The following PDE10A variants were observed in gnomAD, a reference collection of about 807,000 sequenced individuals.
PDE10A encodes the protein cAMP and cAMP-inhibited cGMP 3',5'-cyclic phosphodiesterase 10A.
PDE10A carries 39 observed loss-of-function variants against 97.7 expected under a neutral mutation model. That is an observed-to-expected ratio of 0.40 (90% CI 0.31 to 0.52). PDE10A has a LOEUF of 0.52. Ranked by LOEUF, PDE10A falls within the 20% of genes least tolerant of loss-of-function variation. PDE10A has a pLI of 0.56. For synonymous variants in PDE10A, 371 were observed against 376.8 expected (o/e 0.98, Z 0.18); for missense variants, 731 against 1,047.8 (o/e 0.70, Z 4.17).
Position 165,942,036 on chromosome 6 carries a change from C to A in PDE10A, c.-615+45493G>T, listed in dbSNP as rs148626232. Reference sequence around the variant, plus strand: ...ATAGCCATCCTCTCATGATGCCATCCGGACAGTGATTCCTGGATGTGACTC... The same window carrying A: ...ATAGCCATCCTCTCATGATGCCATCAGGACAGTGATTCCTGGATGTGACTC... On this transcript the variant is annotated intron_variant, in intron 1 of 19. Coordinates refer to the PDE10A transcript ENST00000366882. Among the ~76,000 whole-genome samples, 6 of 152,148 alleles carry A rather than the reference C, an allele frequency of 3.9e-5. No individual in the cohort carries two copies. In the East Asian group the frequency reaches 9.6e-4, roughly 24 times the overall value.
Position 165,932,658 on chromosome 6 carries a change from G to A in PDE10A, c.-615+54871C>T, listed in dbSNP as rs549116232. ...GCCTAATTTTTGTATTTTTAGTAGA[G>A]ACGGTGTTTCACCATGTTGGTCAGG... is the stretch of plus-strand genomic sequence containing the variant. On this transcript the variant is annotated intron_variant, in intron 1 of 19. Coordinates refer to the PDE10A transcript ENST00000366882. Among the ~76,000 whole-genome samples, 11 of 152,244 alleles carry A rather than the reference G, an allele frequency of 7.2e-5. No homozygotes were observed. In the East Asian group the frequency reaches 1.9e-3, roughly 27 times the overall value.
intron 1 of PDE10A, among the ~76,000 whole-genome samples, chr6:165,924,569 C>T (rs1442336732): frequency 1.2e-4 from 18 of 152,282 alleles, no homozygotes; most frequent in Admixed American, 1.2e-3. Context: ...AGAAGATCTC[C>T]CTCTGTGGTA....
At chr6:165,657,444 A>T (rs375013080) in intron 1 of PDE10A, among the ~76,000 whole-genome samples, 2 of 152,230 alleles carry the variant, frequency 1.3e-5, no homozygotes, top group African/African-American at 4.8e-5. Flanking sequence ...CATGAAAATT[A>T]TTTTTTCTCT....
At chr6:165,658,951 T>C (rs1790098776) in intron 1 of PDE10A, among the ~76,000 whole-genome samples, 1 of 152,182 alleles carries the variant, frequency 6.6e-6, no homozygotes, top group African/African-American at 2.4e-5. Context: ...TATTACTGGA[T>C]GGCAGAGTGG....
At chr6:165,584,433 C>A (rs571419946) in intron 1 of PDE10A, among the ~76,000 whole-genome samples, 1 of 152,130 alleles carries the variant, frequency 6.6e-6, no homozygotes, top group Admixed American at 6.5e-5. Context: ...CCCATAAAGA[C>A]GCAGGAGCCT....
At chr6:165,538,231 T>A (rs1453050544) in intron 2 of PDE10A, among the ~76,000 whole-genome samples, 1 of 152,074 alleles carries the variant, frequency 6.6e-6, no homozygotes, top group Non-Finnish European at 1.5e-5. Flanking sequence ...AAACATATAC[T>A]AACTACATTA....
chr6:165,856,531 A>G (rs1583196518), intron 1 of PDE10A, among the ~76,000 whole-genome samples: 1 of 152,328 alleles, frequency 6.6e-6, no homozygotes, highest in East Asian at 1.9e-4. Context: ...GACTAGTTGT[A>G]GCTGTTTCCA....
chr6:165,407,252 G>A (rs962028231), intron 13 of PDE10A, among the ~76,000 whole-genome samples: 1 of 152,138 alleles, frequency 6.6e-6, no homozygotes, highest in Non-Finnish European at 1.5e-5. Flanking sequence ...GGACCTTAGG[G>A]AAGAACGATG....
chr6:165,563,285 A>G (rs552325752), intron 1 of PDE10A, among the ~76,000 whole-genome samples: 26 of 151,734 alleles, frequency 1.7e-4, no homozygotes, highest in African/African-American at 5.3e-4. Context: ...GAAGGAAGGA[A>G]GGATTTAGTA....
intron 3 of PDE10A, among the ~76,000 whole-genome samples, chr6:165,471,916 A>C (rs554558882): frequency 9.9e-5 from 15 of 152,228 alleles, no homozygotes; most frequent in Middle Eastern, 3.4e-3. Flanking sequence ...TAATAAAACT[A>C]GTTAACAGTC....
At chr6:165,633,414 C>T (rs918815357) in intron 1 of PDE10A, among the ~76,000 whole-genome samples, 14 of 152,086 alleles carry the variant, frequency 9.2e-5, no homozygotes, top group African/African-American at 2.9e-4. Flanking sequence ...TTTACCTATA[C>T]ATTAACTTTT....
intron 1 of PDE10A, among the ~76,000 whole-genome samples, chr6:165,658,699 ACAAG>A (rs1331900645): frequency 6.6e-6 from 1 of 152,246 alleles, no homozygotes; most frequent in Non-Finnish European, 1.5e-5. Flanking sequence ...TCTCCATTGC[ACAAG>A]CAAACACTGG....
chr6:165,605,475 T>C (rs1787163424), intron 1 of PDE10A, among the ~76,000 whole-genome samples: 1 of 152,208 alleles, frequency 6.6e-6, no homozygotes, highest in Non-Finnish European at 1.5e-5. Context: ...TCATGCTATT[T>C]CCCTTATCCT....
intron 1 of PDE10A, among the ~76,000 whole-genome samples, chr6:165,827,634 G>A (rs962701344): frequency 1.3e-5 from 2 of 152,170 alleles, no homozygotes; most frequent in Non-Finnish European, 2.9e-5. Context: ...TCAATTCTTG[G>A]CTTTAAATCT....
At chr6:165,573,503 A>G (rs1195591469) in intron 1 of PDE10A, among the ~76,000 whole-genome samples, 1 of 152,192 alleles carries the variant, frequency 6.6e-6, no homozygotes, top group Non-Finnish European at 1.5e-5. Flanking sequence ...GACAGGGTTC[A>G]TTGTCCAAAT....
chr6:165,823,892 C>T (rs143487507), intron 1 of PDE10A, among the ~76,000 whole-genome samples: 9 of 152,202 alleles, frequency 5.9e-5, no homozygotes, highest in African/African-American at 1.9e-4. Flanking sequence ...TGACATGTGA[C>T]GGTATTTATG....
intron 2 of PDE10A, among the ~76,000 whole-genome samples, chr6:165,531,259 A>G (rs1470272743): frequency 1.3e-5 from 2 of 151,718 alleles, no homozygotes; most frequent in Admixed American, 1.3e-4. Flanking sequence ...TTTTTGCCCC[A>G]TTTAGATTCA....
At chr6:165,679,231 A>C (rs1291258319) in intron 1 of PDE10A, among the ~76,000 whole-genome samples, 2 of 152,250 alleles carry the variant, frequency 1.3e-5, no homozygotes, top group Admixed American at 1.3e-4. Flanking sequence ...AAAGAATGAG[A>C]AAATATAGCT....
At chr6:165,913,273 T>TACACACACACACAC (rs58740333) in intron 1 of PDE10A, among the ~76,000 whole-genome samples, 49 of 148,012 alleles carry the variant, frequency 3.3e-4, no homozygotes, top group African/African-American at 1.2e-3. Context: ...ACTCAACTTG[T>TACACACACACACAC]ACACACACAC....
Sources: gnomAD v4.1 joint callset for allele counts (sites outside exome capture counted in the v4.1 genomes callset) on GRCh38, gnomAD v4.1.1 for gene constraint, MANE v1.5 for transcripts, NCBI Gene and HGNC (gene_info 2026-07-23, HGNC 2026-07-21) for gene names.